RBFOX1: variants seen among roughly 807,000 people sequenced by gnomAD.
RBFOX1 encodes the protein RNA binding fox-1 homolog 1, also known as RNA binding protein fox-1 homolog 1.
RBFOX1 carries 8 observed loss-of-function variants against 57.7 expected under a neutral mutation model. The ratio of observed to expected loss-of-function variants is 0.14; its 90% CI spans 0.08 to 0.25. The LOEUF is 0.25. RBFOX1 is among the 10% of genes least tolerant of loss of function. RBFOX1 has a pLI of 1.00. For synonymous variants in RBFOX1, 326 were observed against 222.4 expected (o/e 1.47, Z -4.15); for missense variants, 611 against 548.5 (o/e 1.11, Z -1.14).
intron 4 of RBFOX1, among the ~76,000 whole-genome samples, chr16:7,271,774 C>T (rs985035171): frequency 3.3e-5 from 5 of 151,906 alleles, no homozygotes; most frequent in African/African-American, 7.3e-5. Context: ...GTATCCATAG[C>T]TAAGGGTCTC....
At chr16:6,408,785 G>A (rs558093262) in intron 2 of RBFOX1, among the ~76,000 whole-genome samples, 2 of 152,148 alleles carry the variant, frequency 1.3e-5, no homozygotes, top group African/African-American at 2.4e-5. Context: ...TCAGGAAAAT[G>A]ACAGTGATTT....
chr16:6,411,583 C>T (rs561473751), intron 2 of RBFOX1, among the ~76,000 whole-genome samples: 6 of 152,104 alleles, frequency 3.9e-5, no homozygotes, highest in South Asian at 2.1e-4. Context: ...AATTATTACC[C>T]GAGCTATTAA....
chr16:7,705,435 A>T (rs1331165020), intron 14 of RBFOX1, among the ~76,000 whole-genome samples: 1 of 151,862 alleles, frequency 6.6e-6, no homozygotes, highest in Non-Finnish European at 1.5e-5. Context: ...AACTTGAGGG[A>T]CGGAGCTTGC....
At chr16:7,608,415 T>C (rs2056772909) in intron 10 of RBFOX1, among the ~76,000 whole-genome samples, 1 of 152,216 alleles carries the variant, frequency 6.6e-6, no homozygotes, top group African/African-American at 2.4e-5. Context: ...GGATTTTACG[T>C]AGGCGATGTT....
chr16:7,047,522 G>C (rs977785682), intron 3 of RBFOX1, among the ~76,000 whole-genome samples: 2 of 151,814 alleles, frequency 1.3e-5, no homozygotes, highest in East Asian at 1.9e-4. Flanking sequence ...TGTGATATAT[G>C]TGGTTGTGGA....
intron 3 of RBFOX1, among the ~76,000 whole-genome samples, chr16:6,689,743 C>A (rs1166706639): frequency 6.6e-6 from 1 of 152,222 alleles, no homozygotes; most frequent in Non-Finnish European, 1.5e-5. Context: ...ACTCCCACAA[C>A]ATGGAAATAA....
chr16:7,360,606 C>G (rs961907984), intron 4 of RBFOX1, among the ~76,000 whole-genome samples: 1 of 152,118 alleles, frequency 6.6e-6, no homozygotes. Flanking sequence ...TCCTGTAGGC[C>G]ACAACAAAGG....
At chr16:5,310,612 T>C (rs1007103673) in intron 1 of RBFOX1, among the ~76,000 whole-genome samples, 6 of 152,088 alleles carry the variant, frequency 3.9e-5, no homozygotes, top group Non-Finnish European at 5.9e-5. Context: ...CCACATACAA[T>C]TGTAAGGTTA....
intron 4 of RBFOX1, among the ~76,000 whole-genome samples, chr16:7,216,173 C>G (rs1488087145): frequency 3.3e-5 from 5 of 152,280 alleles, no homozygotes; most frequent in Admixed American, 2.0e-4. Flanking sequence ...GTATTTACCT[C>G]TTTACTAGTT....
intron 3 of RBFOX1, among the ~76,000 whole-genome samples, chr16:6,793,473 G>C (rs1463088086): frequency 6.6e-6 from 1 of 152,112 alleles, no homozygotes. Context: ...TGTCTCAGTG[G>C]ACATTGTTGG....
chr16:6,339,654 A>C (rs1289635868), intron 2 of RBFOX1, among the ~76,000 whole-genome samples: 2 of 25,854 alleles, frequency 7.7e-5, no homozygotes, highest in Middle Eastern at 0.033. Context: ...TTTATTTTTT[A>C]TTTTATTTTA....
At chr16:7,315,190 G>A (rs1303236297) in intron 4 of RBFOX1, among the ~76,000 whole-genome samples, 1 of 151,764 alleles carries the variant, frequency 6.6e-6, no homozygotes, top group African/African-American at 2.4e-5. Flanking sequence ...CTATAGAACT[G>A]AGAACTGAAA....
At chr16:5,988,082 G>A (rs948489420) in intron 4 of RBFOX1, among the ~76,000 whole-genome samples, 3 of 152,086 alleles carry the variant, frequency 2.0e-5, no homozygotes, top group Non-Finnish European at 4.4e-5. Context: ...ATGTGCTCCC[G>A]ACATCATGGC....
intron 2 of RBFOX1, among the ~76,000 whole-genome samples, chr16:6,334,604 C>G (rs1438117044): frequency 6.6e-6 from 1 of 151,914 alleles, no homozygotes; most frequent in African/African-American, 2.4e-5. Context: ...CTCTTCACAT[C>G]TGTGTATCTG....
intron 1 of RBFOX1, among the ~76,000 whole-genome samples, chr16:6,089,422 A>G (rs2096138183): frequency 6.6e-6 from 1 of 152,190 alleles, no homozygotes; most frequent in Non-Finnish European, 1.5e-5. Flanking sequence ...ATCATTTAGG[A>G]TGGTCGGCAT....
At chr16:6,313,976 A>G (rs899476996) in intron 1 of RBFOX1, among the ~76,000 whole-genome samples, 1 of 152,104 alleles carries the variant, frequency 6.6e-6, no homozygotes, top group Non-Finnish European at 1.5e-5. Context: ...ATCCCCCTAA[A>G]TGACTTTACA....
intron 14 of RBFOX1, among the ~76,000 whole-genome samples, chr16:7,704,629 C>A (rs538289242): frequency 6.6e-6 from 1 of 152,190 alleles, no homozygotes; most frequent in Non-Finnish European, 1.5e-5. Context: ...GACACTGCCC[C>A]AGCCTCCATG....
chr16:5,499,828 C>A (rs150235938), intron 2 of RBFOX1, among the ~76,000 whole-genome samples: 450 of 152,254 alleles, frequency 3.0e-3, no homozygotes, highest in Middle Eastern at 6.8e-3. Context: ...CTGCCTTGGC[C>A]TCCCAAAGTG....
intron 2 of RBFOX1, among the ~76,000 whole-genome samples, chr16:6,374,604 G>A (rs1383188530): frequency 6.6e-6 from 1 of 152,114 alleles, no homozygotes; most frequent in Non-Finnish European, 1.5e-5. Context: ...ACAAGAAGAC[G>A]TTACTCTAGC....
Sources: allele counts gnomAD v4.1 joint callset (sites outside exome capture counted in the v4.1 genomes callset), GRCh38; gene constraint gnomAD v4.1.1; transcripts MANE v1.5; gene names NCBI Gene and HGNC (gene_info 2026-07-23, HGNC 2026-07-21).